The following NXPH1 variants were observed in gnomAD, a reference collection of about 807,000 sequenced individuals.
NXPH1 encodes the protein neurexophilin 1, also known as neurexophilin-1.
NXPH1 carries 5 observed loss-of-function variants against 23.7 expected under a neutral mutation model. The observed-to-expected ratio is 0.21, with a 90% CI of 0.11 to 0.44. The LOEUF is 0.44. Among genes scored for constraint, NXPH1 ranks in the 20% least tolerant of loss-of-function variants. The pLI, the probability that NXPH1 is intolerant of heterozygous loss-of-function variation, is 0.99. For missense variants in NXPH1, 324 were observed against 321.6 expected, an observed-to-expected ratio of 1.01 and a Z score of -0.06; for synonymous variants, 144 against 122.2, an observed-to-expected ratio of 1.18 and a Z score of -1.18.
intron 2 of NXPH1, among the ~76,000 whole-genome samples, chr7:8,748,582 G>A (rs1780511334): frequency 1.3e-5 from 2 of 152,198 alleles, no homozygotes; most frequent in Non-Finnish European, 2.9e-5. Flanking sequence ...ATTGGTCAGT[G>A]TTATCTATTC....
intron 2 of NXPH1, among the ~76,000 whole-genome samples, chr7:8,561,113 G>A (rs545240964): frequency 4.6e-5 from 7 of 151,772 alleles, no homozygotes; most frequent in African/African-American, 1.7e-4. Flanking sequence ...TACTCTCCCA[G>A]TAGGATAGAC....
intron 2 of NXPH1, among the ~76,000 whole-genome samples, chr7:8,477,648 A>T (rs1816999214): frequency 6.6e-6 from 1 of 152,136 alleles, no homozygotes; most frequent in African/African-American, 2.4e-5. Flanking sequence ...CTTGGGTCAG[A>T]CCAGTGATTC....
At chr7:8,629,665 G>A (rs1318192671) in intron 2 of NXPH1, among the ~76,000 whole-genome samples, 1 of 151,718 alleles carries the variant, frequency 6.6e-6, no homozygotes, top group Non-Finnish European at 1.5e-5. Flanking sequence ...AGGCCACTGG[G>A]TGAAAAATGC....
intron 2 of NXPH1, among the ~76,000 whole-genome samples, chr7:8,634,665 GT>G (rs144810873): frequency 0.017 from 1,618 of 95,118 alleles, 8 homozygotes; most frequent in East Asian, 0.061. Context: ...GTCCAGAAGA[GT>G]TTTTTTTTTT....
rs539976936 is a variant in NXPH1 at position 8,512,065 on chromosome 7, A to C, written c.54+76298A>C. Among the ~76,000 whole-genome samples, 3 of 152,196 alleles carry C rather than the reference A, an allele frequency of 2.0e-5. No individual in the cohort carries two copies. The East Asian group carries it at 5.8e-4, about 30-fold the overall frequency. On this transcript the variant is annotated intron_variant, in intron 2 of 2. Transcript: ENST00000405863. ...ATAATCCTGAGCTTGACAGCTGCCA[A>C]ACTAGCCCCCTGAGTGTCCAAATGA...
rs1203231961 is a variant in NXPH1, at chr7:8,434,572, G to C, written c.-294G>C. ...GCGAACCAATCCTGAGCGCGACCCGGGCACTGGGACGGCGACTCCGCCAAA... is the reference window on the plus strand; with the variant it reads ...GCGAACCAATCCTGAGCGCGACCCGCGCACTGGGACGGCGACTCCGCCAAA... On this transcript the variant is annotated 5_prime_UTR_variant, in exon 1 of 3. Coordinates refer to ENST00000405863, the MANE Select transcript of NXPH1 (RefSeq NM_152745.3). This position sits in a 1 kb window ranked among gnomAD's most constrained non-coding sequence, Gnocchi z 7.6. 1 of 152,730 alleles carries C rather than the reference G, an allele frequency of 6.5e-6. No individual in the cohort carries two copies. The highest frequency in any genetic ancestry group is 1.5e-5 in the Non-Finnish European group (1 of 68,098). 9.5% of individuals were successfully genotyped at this position (152,730 alleles called of 1,614,324 possible).
intron 2 of NXPH1, among the ~76,000 whole-genome samples, chr7:8,580,685 C>T (rs1364114806): frequency 6.6e-6 from 1 of 151,914 alleles, no homozygotes; most frequent in Non-Finnish European, 1.5e-5. Flanking sequence ...AGTTCCCTGA[C>T]ACCCAAGCTG....
At position 8,435,719 on chromosome 7, in the gene NXPH1, G is replaced by C; in HGVS notation, c.6G>C (p.Gln2His). The C allele has an allele frequency of 1.9e-6, 3 of 1,613,976 alleles. No homozygotes were observed. Among genetic ancestry groups the C allele is most frequent in the Non-Finnish European group, 2.5e-6 (3 of 1,179,864 alleles). M[Q>H]AACWYVLFLL... Reference sequence around the variant, plus strand: ...GAAGTTTGAGACGCGGGAGAATGCAGGCTGCGTGCTGGTACGTGCTTTTCC... The same window carrying C: ...GAAGTTTGAGACGCGGGAGAATGCACGCTGCGTGCTGGTACGTGCTTTTCC... The change falls in exon 2 of 3, where the codon CAG becomes CAC. Residue 2 changes from glutamine to histidine, a missense_variant. Coordinates refer to ENST00000405863, the MANE Select transcript of NXPH1 (RefSeq NM_152745.3). This position sits in a 1 kb window ranked among gnomAD's most constrained non-coding sequence, Gnocchi z 5.9.
Position 8,659,017 on chromosome 7 carries a change from T to G in NXPH1, c.55-91991T>G, listed in dbSNP as rs1820629077. Among the ~76,000 whole-genome samples, 3 of 21,558 alleles carry G rather than the reference T, an allele frequency of 1.4e-4. 1 individual carries two copies. The highest frequency in any genetic ancestry group is 1.2e-3 in the Admixed American group (2 of 1,602). 14.1% of individuals were successfully genotyped at this position (21,558 alleles called of 152,430 possible). A position where few individuals can be genotyped will look rare whatever the true frequency, so the allele number is the denominator to read the frequency against. On this transcript the variant is annotated intron_variant, in intron 2 of 2. Transcript: ENST00000405863. ...TATATATATATATATTTTTTTTTTT[T>G]TTTGCTAAAACAGAAAAAGTATAAG...
intron 2 of NXPH1, among the ~76,000 whole-genome samples, chr7:8,748,637 G>A (rs1028122972): frequency 6.6e-6 from 1 of 152,106 alleles, no homozygotes; most frequent in African/African-American, 2.4e-5. Context: ...CTTTCCATGA[G>A]GGCATTGCTA....
chr7:8,547,870 G>A (rs1818220610), intron 2 of NXPH1, among the ~76,000 whole-genome samples: 1 of 151,410 alleles, frequency 6.6e-6, no homozygotes, highest in Non-Finnish European at 1.5e-5. Context: ...GTATATATAT[G>A]AATTTATCCA....
intron 2 of NXPH1, among the ~76,000 whole-genome samples, chr7:8,724,126 T>C (rs907020315): frequency 1.3e-4 from 20 of 152,328 alleles, no homozygotes; most frequent in Non-Finnish European, 2.9e-4. Context: ...CAGCTGCTCC[T>C]TCCAGGTCAC....
chr7:8,731,599 T>C (rs1274041569), intron 2 of NXPH1, among the ~76,000 whole-genome samples: 1 of 152,132 alleles, frequency 6.6e-6, no homozygotes, highest in East Asian at 1.9e-4. Context: ...AGTACTCGGC[T>C]GTGTGAGGTG....
chr7:8,626,442 C>T (rs1177832156), intron 2 of NXPH1, among the ~76,000 whole-genome samples: 1 of 150,708 alleles, frequency 6.6e-6, no homozygotes, highest in African/African-American at 2.4e-5. Flanking sequence ...TAACTTTCTG[C>T]TGAGGGTAGC....
intron 2 of NXPH1, among the ~76,000 whole-genome samples, chr7:8,656,089 A>C (rs1295695228): frequency 6.6e-6 from 1 of 152,230 alleles, no homozygotes; most frequent in Non-Finnish European, 1.5e-5. Flanking sequence ...TGAATGAATG[A>C]TCTTCATCTA....
intron 2 of NXPH1, among the ~76,000 whole-genome samples, chr7:8,450,168 C>G (rs1163677802): frequency 6.6e-6 from 1 of 152,132 alleles, no homozygotes; most frequent in Admixed American, 6.5e-5. Flanking sequence ...TTTGCCATGT[C>G]TTGGCAGCAG....
At position 8,751,822 on chromosome 7, in the gene NXPH1, G is replaced by C. The variant is rs1159203645; in HGVS notation, c.*53G>C. The C allele has an allele frequency of 4.9e-5, 74 of 1,503,038 alleles. 1 individual carries two copies. In the Admixed American group the frequency reaches 1.5e-3, roughly 31 times the overall value. 93.1% of individuals were successfully genotyped at this position (1,503,038 alleles called of 1,614,324 possible). On this transcript the variant is annotated 3_prime_UTR_variant, in exon 3 of 3. Transcript: ENST00000405863. This position sits in a 1 kb window ranked among gnomAD's most constrained non-coding sequence, Gnocchi z 4.5. ...CTGAGGAATTAAAGGTCATATGACA[G>C]GGCTGTTACCTCAAAGAAGAAGGTC...
chr7:8,604,785 G>C (rs762081438), intron 2 of NXPH1, among the ~76,000 whole-genome samples: 4 of 152,094 alleles, frequency 2.6e-5, no homozygotes, highest in Non-Finnish European at 4.4e-5. Context: ...TTTGAGATTT[G>C]TGAATACACA....
At chr7:8,705,333 G>GGTTCCATA (rs1184827597) in intron 2 of NXPH1, among the ~76,000 whole-genome samples, 6 of 152,160 alleles carry the variant, frequency 3.9e-5, no homozygotes, top group African/African-American at 1.4e-4. Context: ...GCAACTGTCA[G>GGTTCCATA]GTTCCATACA....
Sources: gnomAD v4.1 joint callset for allele counts (sites outside exome capture counted in the v4.1 genomes callset) on GRCh38, gnomAD v4.1.1 for gene constraint, Gnocchi (gnomAD v3.1) non-coding constraint, MANE v1.5 for transcripts, NCBI Gene and HGNC (gene_info 2026-07-23, HGNC 2026-07-21) for gene names.